Variants in KDM2A observed in about 807,000 individuals in gnomAD.
KDM2A encodes the protein lysine-specific demethylase 2A.
A neutral mutation model predicts 137.3 loss-of-function variants in KDM2A; 3 were observed. The ratio of observed to expected loss-of-function variants is 0.02; its 90% confidence interval spans 0.01 to 0.06. The LOEUF is 0.06. Among genes scored for constraint, KDM2A ranks in the 10% least tolerant of loss-of-function variants. The pLI is 1.00. For synonymous variants in KDM2A, 512 were observed against 541.5 expected (o/e 0.95, Z 0.76); for missense variants, 738 against 1,510.6 (o/e 0.49, Z 8.48).
At chr11:67,248,650 G>GA in intron 16 of KDM2A, 1 of 361,612 alleles carries the variant, frequency 2.8e-6, no homozygotes, top group Admixed American at 4.5e-5. Flanking sequence ...AGGAACCACG[G>GA]CTGGGCTATT....
chr11:67,247,161 C>G (rs1187610503), intron 15 of KDM2A, among the ~76,000 whole-genome samples: 14 of 129,946 alleles, frequency 1.1e-4, no homozygotes, highest in Admixed American at 1.1e-3. Flanking sequence ...GTGACCTCGT[C>G]TCACTGCAAC....
rs1005184593 is a variant in KDM2A, at chr11:67,151,179, A to G, written c.43-28900A>G. 2.6e-5 allele frequency among the ~76,000 whole-genome samples: 4 copies of G among 151,962 alleles called. No homozygotes were observed. The South Asian group carries it at 6.3e-4, about 24-fold the overall frequency. On this transcript the variant is annotated intron_variant, in intron 2 of 20. Transcript: ENST00000529006. ...TAGGAGATACACATACATATATTGA[A>G]TCACTCTCTTGGTGGCTGATTTTTT...
Position 67,254,584 on chromosome 11 carries a change from G to A in KDM2A, c.3307+166G>A. ...GATTTCTATCCCTTTTTTAACTGAT[G>A]GGGGACTGAGGCCTTGAGTAGTTAA... On this transcript the variant is annotated intron_variant, in intron 20 of 20. Transcript: ENST00000529006. The surrounding 1 kb of genome is among the most constrained non-coding windows in gnomAD (Gnocchi z 4.7). The A allele has an allele frequency of 1.5e-6, 1 of 675,316 alleles. No individual in the cohort carries two copies. The highest frequency in any genetic ancestry group is 2.6e-5 in the Admixed American group (1 of 38,052). 41.8% of individuals were successfully genotyped at this position (675,316 alleles called of 1,614,324 possible).
intron 5 of KDM2A, among the ~76,000 whole-genome samples, chr11:67,187,548 T>TATTTA (rs534066935): frequency 1.4e-5 from 2 of 147,476 alleles, no homozygotes; most frequent in African/African-American, 5.1e-5. Context: ...ATTTAATTGA[T>TATTTA]TTTATTTATT....
At chr11:67,241,598 T>C (rs1859044634) in intron 12 of KDM2A, among the ~76,000 whole-genome samples, 1 of 152,166 alleles carries the variant, frequency 6.6e-6, no homozygotes, top group Admixed American at 6.5e-5. Context: ...CAGAGTTTAG[T>C]GTTTGCCGAA....
At chr11:67,236,815 C>T (rs937652745) in intron 12 of KDM2A, among the ~76,000 whole-genome samples, 3 of 152,160 alleles carry the variant, frequency 2.0e-5, no homozygotes, top group Admixed American at 6.5e-5. Flanking sequence ...CTTATTCCAC[C>T]GCTCTGAATA....
intron 8 of KDM2A, 45 bp from the exon 9 acceptor site, chr11:67,217,686 G>A: frequency 6.3e-7 from 1 of 1,599,550 alleles, no homozygotes; most frequent in Non-Finnish European, 8.5e-7. Flanking sequence ...AGACGACTGG[G>A]TCATGTCAAT....
chr11:67,209,045 C>T (rs1857898504), intron 6 of KDM2A, among the ~76,000 whole-genome samples: 1 of 151,908 alleles, frequency 6.6e-6, no homozygotes, highest in Non-Finnish European at 1.5e-5. Context: ...AAGCAATTCT[C>T]CTGCCTCAGC....
intron 2 of KDM2A, among the ~76,000 whole-genome samples, chr11:67,177,876 T>A (rs918653061): frequency 6.6e-6 from 1 of 151,974 alleles, no homozygotes; most frequent in African/African-American, 2.4e-5. Flanking sequence ...CAAACGAGAG[T>A]AATGTGTTGT....
At chr11:67,214,709 T>A (rs1858107915) in intron 6 of KDM2A, among the ~76,000 whole-genome samples, 1 of 152,088 alleles carries the variant, frequency 6.6e-6, no homozygotes, top group Non-Finnish European at 1.5e-5. Context: ...TGGGTTCAAG[T>A]GATCTTCCCA....
At chr11:67,221,767 T>A (rs973240224) in intron 10 of KDM2A, among the ~76,000 whole-genome samples, 1 of 152,118 alleles carries the variant, frequency 6.6e-6, no homozygotes, top group Non-Finnish European at 1.5e-5. Context: ...GCAAGGAGTT[T>A]GAGACTCTCC....
chr11:67,136,940 G>A (rs569538559), intron 2 of KDM2A, among the ~76,000 whole-genome samples: 1 of 152,302 alleles, frequency 6.6e-6, no homozygotes, highest in East Asian at 1.9e-4. Flanking sequence ...GTAAACATAG[G>A]CTGCAGTAAC....
chr11:67,233,034 T>A (rs1478710272), intron 12 of KDM2A, among the ~76,000 whole-genome samples: 1 of 152,046 alleles, frequency 6.6e-6, no homozygotes, highest in African/African-American at 2.4e-5. Context: ...CTGGAGGAAA[T>A]TATTTTAAGT....
chr11:67,143,817 C>T (rs1047476517), intron 2 of KDM2A, among the ~76,000 whole-genome samples: 2 of 151,434 alleles, frequency 1.3e-5, no homozygotes, highest in Admixed American at 6.6e-5. Context: ...ATTTTTAGTA[C>T]AGACAGGGTT....
In KDM2A at chr11:67,244,918, G is replaced by A. The variant is rs545266576; in HGVS notation, c.1564-271G>A. Among the ~76,000 whole-genome samples the A allele has an allele frequency of 8.6e-5, 13 of 151,624 alleles. No homozygotes were observed. In the East Asian group the frequency reaches 1.4e-3, roughly 16 times the overall value. ...GGAGAATGGCGGGAACCCGGGAGGC[G>A]GAGCTTGCAGTGAGCCGAGATCATG... On this transcript the variant is annotated intron_variant, in intron 13 of 20. Coordinates refer to ENST00000529006, the MANE Select transcript of KDM2A (RefSeq NM_012308.3).
In KDM2A at chr11:67,175,289, TGTG is replaced by T. The variant is rs1214403435; in HGVS notation, c.43-4785_43-4783del. 2.6e-5 allele frequency among the ~76,000 whole-genome samples: 4 copies of T among 152,086 alleles called. No individual in the cohort carries two copies. In the South Asian group the frequency reaches 8.3e-4, roughly 32 times the overall value. Reference sequence around the variant, plus strand: ...AGTGTTAAAATTCACACAGGCCAGGTGTGGTGGCTCACACCTGTAATCCCAGCA... The same window carrying T: ...AGTGTTAAAATTCACACAGGCCAGGTGTGGCTCACACCTGTAATCCCAGCA... On this transcript the variant is annotated intron_variant, in intron 2 of 20. Coordinates refer to ENST00000529006, the MANE Select transcript of KDM2A (RefSeq NM_012308.3).
chr11:67,152,509 G>A (rs1374978032), intron 2 of KDM2A, among the ~76,000 whole-genome samples: 2 of 151,974 alleles, frequency 1.3e-5, no homozygotes, highest in African/African-American at 2.4e-5. Context: ...TTGGGAGGCC[G>A]AGGTGGGAGG....
rs915400695 is a variant in KDM2A, at chr11:67,245,117, C to T, written c.1564-72C>T. On this transcript the variant is annotated intron_variant, in intron 13 of 20. Coordinates refer to ENST00000529006, the MANE Select transcript of KDM2A (RefSeq NM_012308.3). This position sits in a 1 kb window ranked among gnomAD's most constrained non-coding sequence, Gnocchi z 4.1. The stretch of plus-strand genomic sequence containing the variant: ...GCCAAGCCCCAGGCTAGGTATGCTA[C>T]CATGTAATCTTCTACCCTATCCAGT... The T allele has an allele frequency of 2.6e-5, 40 of 1,539,340 alleles. No individual in the cohort carries two copies. Among genetic ancestry groups the T allele is most frequent in the Non-Finnish European group, 3.4e-5 (38 of 1,134,002 alleles).
At chr11:67,217,628 T>C (rs1858210297) in intron 8 of KDM2A, 103 bp from the exon 9 acceptor site, 2 of 1,196,404 alleles carry the variant, frequency 1.7e-6, no homozygotes, top group South Asian at 1.4e-5. Context: ...TTGCTTGCCT[T>C]TCTTCTACCT....
Sources: gnomAD v4.1 joint callset for allele counts (sites outside exome capture counted in the v4.1 genomes callset) on GRCh38, gnomAD v4.1.1 for gene constraint, Gnocchi (gnomAD v3.1) non-coding constraint, MANE v1.5 for transcripts, NCBI Gene and HGNC (gene_info 2026-07-23, HGNC 2026-07-21) for gene names.